Variants in MYOF observed in about 807,000 individuals in gnomAD.
MYOF encodes the protein fer-1-like 3, myoferlin.
A neutral mutation model predicts 284.2 loss-of-function variants in MYOF; 244 were observed. The ratio of observed to expected loss-of-function variants is 0.86; its 90% CI spans 0.77 to 0.95. MYOF has a LOEUF of 0.95. Among genes scored for constraint, MYOF ranks in the 40% least tolerant of loss-of-function variants. The pLI is 0.00. For synonymous variants in MYOF, 904 were observed against 919.7 expected (o/e 0.98, Z 0.31); for missense variants, 2,496 against 2,560.6 (o/e 0.97, Z 0.54).
At position 93,404,218 on chromosome 10, in the gene MYOF, A is replaced by T. The variant is rs749764734; in HGVS notation, c.731T>A (p.Leu244Ter). The T allele has an allele frequency of 3.1e-6, 5 of 1,614,018 alleles. No homozygotes were observed. The South Asian group carries it at 5.5e-5, about 18-fold the overall frequency. ...KRGNNPFFDE[L>*]FFYNVNMTPS... The stretch of plus-strand genomic sequence containing the variant: ...GGTCATGTTGACATTGTAGAAAAAC[A>T]ACTGCCAAAACAATAGAGCAGATGT... Residue 244 changes from leucine to a stop codon, truncating the protein, a stop_gained and splice_region_variant, in exon 8 of 54, where the codon TTG becomes TAG. Transcript: ENST00000359263. LOFTEE classifies it high-confidence loss of function.
rs945188616 is a variant in MYOF at position 93,401,414 on chromosome 10, A to G, written c.1117+4T>C. 1.2e-6 allele frequency: 2 copies of G among 1,614,050 alleles called. No individual in the cohort carries two copies. The highest frequency in any genetic ancestry group is 1.3e-5 in the African/African-American group (1 of 75,056). On this transcript the variant is annotated splice_donor_region_variant and intron_variant, in intron 12 of 53. Coordinates refer to ENST00000359263, the MANE Select transcript of MYOF (RefSeq NM_013451.4). ...TTCTGGGGCAAGATTAAATCAGTAC[A>G]TACTCTGGGGGATGTCCTCAGCTCG...
chr10:93,421,886 G>T (rs577753123), intron 5 of MYOF, among the ~76,000 whole-genome samples: 2 of 151,692 alleles, frequency 1.3e-5, no homozygotes, highest in Non-Finnish European at 2.9e-5. Flanking sequence ...TTAGGGAAAA[G>T]AAATGTTTTC....
intron 17 of MYOF, among the ~76,000 whole-genome samples, chr10:93,391,812 A>G (rs958113782): frequency 6.6e-6 from 1 of 151,972 alleles, no homozygotes; most frequent in African/African-American, 2.4e-5. Flanking sequence ...TTCCAACAAT[A>G]TTTTCCATGC....
In MYOF at chr10:93,381,668, T is replaced by C. The variant is rs112535109; in HGVS notation, c.1699-272A>G. 2.4e-4 allele frequency among the ~76,000 whole-genome samples: 37 copies of C among 152,330 alleles called. 1 individual carries two copies. Among genetic ancestry groups the C allele is most frequent in the African/African-American group, 7.9e-4 (33 of 41,582 alleles). On this transcript the variant is annotated intron_variant, in intron 19 of 53. Transcript: ENST00000359263. ...AGTAGACCACTTGTTAAACAAGTTATGTTATATCCATAAAATAGAATGAAG... is the reference window on the plus strand; with the variant it reads ...AGTAGACCACTTGTTAAACAAGTTACGTTATATCCATAAAATAGAATGAAG...
intron 30 of MYOF, 70 bp downstream of exon 30, chr10:93,356,605 G>T: frequency 6.7e-7 from 1 of 1,492,586 alleles, no homozygotes; most frequent in Non-Finnish European, 9.1e-7. Context: ...GGAGTTGGCA[G>T]TGCTGTATCC....
At chr10:93,332,717 GT>G (rs1464342634) in intron 43 of MYOF, among the ~76,000 whole-genome samples, 2 of 151,976 alleles carry the variant, frequency 1.3e-5, no homozygotes, top group Non-Finnish European at 2.9e-5. Context: ...CGTGGTGGCA[GT>G]TGCCTGTAGT....
chr10:93,424,715 A>G (rs1848504327), intron 5 of MYOF, among the ~76,000 whole-genome samples: 1 of 152,130 alleles, frequency 6.6e-6, no homozygotes, highest in Non-Finnish European at 1.5e-5. Flanking sequence ...TAATGGGTGC[A>G]TAAGCAGGGG....
At chr10:93,353,718 T>G in intron 32 of MYOF, 93 bp downstream of exon 32, 1 of 1,051,458 alleles carries the variant, frequency 9.5e-7, no homozygotes, top group Non-Finnish European at 1.4e-6. Context: ...GGGTTTTTGT[T>G]GTTAGAAATG....
chr10:93,341,674 G>A (rs1437204975), intron 38 of MYOF, among the ~76,000 whole-genome samples: 1 of 152,194 alleles, frequency 6.6e-6, no homozygotes. Flanking sequence ...CATGTGGAAA[G>A]GTTATGGAAG....
chr10:93,377,326 G>C lies in MYOF; in HGVS notation c.2105C>G (p.Thr702Arg), dbSNP rs375539225. The change falls in exon 22 of 54, where the codon ACG becomes AGG. Residue 702 changes from threonine (T) to arginine (R), a missense_variant. Physicochemically the swap from Thr to Arg is moderately conservative, Grantham distance 71. Around this residue, in one of 3 missense-constraint regions of MYOF, gnomAD observed 2,436 missense variants for 2,480.7 expected, o/e 0.98. Coordinates refer to ENST00000359263, the MANE Select transcript of MYOF (RefSeq NM_013451.4). Reference sequence around the variant, plus strand: ...GATAGGCGTAAGATCACTGTACCTCGTGTCTTCTATAACTTCATCTATCAG... The same window carrying C: ...GATAGGCGTAAGATCACTGTACCTCCTGTCTTCTATAACTTCATCTATCAG... The part of the protein sequence containing the change: ...LKLIDEVIED[T>R]RYTLPLTEGK... 1.9e-6 allele frequency: 3 copies of C among 1,612,018 alleles called. No individual in the cohort carries two copies. The East Asian group carries it at 6.7e-5, about 36-fold the overall frequency.
intron 1 of MYOF, among the ~76,000 whole-genome samples, chr10:93,481,462 G>C (rs2057380775): frequency 6.6e-6 from 1 of 152,094 alleles, no homozygotes; most frequent in Non-Finnish European, 1.5e-5. Flanking sequence ...ACTTGCCCAA[G>C]GTCATTCAGC....
chr10:93,478,676 T>A (rs4919168), intron 1 of MYOF, among the ~76,000 whole-genome samples: 2 of 75,674 alleles, frequency 2.6e-5, no homozygotes, highest in African/African-American at 7.6e-5. Flanking sequence ...ACAAAAAAAA[T>A]TAAAAATTAG....
At chr10:93,466,926 C>G (rs1052412437) in intron 1 of MYOF, among the ~76,000 whole-genome samples, 2 of 152,006 alleles carry the variant, frequency 1.3e-5, no homozygotes, top group African/African-American at 4.8e-5. Flanking sequence ...TGCAGTGGGC[C>G]GTGATCAGGC....
intron 38 of MYOF, 48 bp downstream of exon 38, chr10:93,343,808 C>T (rs1392830576): frequency 1.3e-6 from 2 of 1,579,128 alleles, no homozygotes; most frequent in African/African-American, 2.7e-5. Flanking sequence ...GACATCTAAG[C>T]ATAGAAGATA....
intron 49 of MYOF, among the ~76,000 whole-genome samples, chr10:93,318,544 A>C (rs1842717122): frequency 6.6e-6 from 1 of 152,168 alleles, no homozygotes; most frequent in South Asian, 2.1e-4. Flanking sequence ...GGATCACCTG[A>C]GGTCAGGAGT....
chr10:93,338,969 A>G (rs553352335), intron 39 of MYOF, among the ~76,000 whole-genome samples: 13 of 151,014 alleles, frequency 8.6e-5, no homozygotes, highest in African/African-American at 3.1e-4. Flanking sequence ...CACCTGCAGT[A>G]GAGCCTCTTG....
chr10:93,333,738 C>G lies in MYOF; in HGVS notation c.4719+20G>C. 6.2e-7 allele frequency: 1 copy of G among 1,611,780 alleles called. No individual in the cohort carries two copies. ...GTAATTATCTTGCTACAGGAGAAGG[C>G]CCCACACCCAAACTCTTACCAGGCC... On this transcript the variant is annotated intron_variant, in intron 42 of 53. Coordinates refer to ENST00000359263, the MANE Select transcript of MYOF (RefSeq NM_013451.4).
intron 40 of MYOF, among the ~76,000 whole-genome samples, chr10:93,336,409 C>G (rs1843609073): frequency 6.6e-6 from 1 of 152,156 alleles, no homozygotes; most frequent in Admixed American, 6.5e-5. Context: ...AAGGGAAAAA[C>G]TATGAATACA....
intron 36 of MYOF, among the ~76,000 whole-genome samples, chr10:93,349,180 C>G (rs1844385083): frequency 6.6e-6 from 1 of 151,984 alleles, no homozygotes; most frequent in Non-Finnish European, 1.5e-5. Flanking sequence ...AAGAAATTAA[C>G]TGCTTTAAAA....
Sources: gnomAD v4.1 joint callset for allele counts (sites outside exome capture counted in the v4.1 genomes callset) on GRCh38, gnomAD v4.1.1 for gene constraint, gnomAD v4.1.1 regional missense constraint, MANE v1.5 for transcripts, NCBI Gene and HGNC (gene_info 2026-07-23, HGNC 2026-07-21) for gene names.